The following ABR variants were observed in gnomAD, a reference collection of about 807,000 sequenced individuals.
ABR encodes active breakpoint cluster region-related protein.
Under a neutral mutation model 107.2 loss-of-function variants are expected in ABR, and 35 were observed. The ratio of observed to expected loss-of-function variants is 0.33; its 90% confidence interval spans 0.25 to 0.43. The LOEUF (loss-of-function observed/expected upper bound fraction) is 0.43. Among genes scored for constraint, ABR ranks in the 20% least tolerant of loss-of-function variants. The pLI, the probability that ABR is intolerant of heterozygous loss-of-function variation, is 1.00. For missense variants in ABR, 815 were observed against 1,115.2 expected (o/e 0.73, Z 3.83); for synonymous variants, 498 against 462.0 (o/e 1.08, Z -1.00).
chr17:1,011,176 C>A lies in ABR; in HGVS notation c.2102-313G>T. ...GCCTGCAGCTTCCTTCCGACTGGAA[C>A]CTCTCCATCGCTAAGCCCCTCTCTG... On this transcript the variant is annotated intron_variant, in intron 19 of 22. Transcript: ENST00000302538. The surrounding 1 kb of genome is among the most constrained non-coding windows in gnomAD (Gnocchi z 4.8). 1 of 372,884 alleles carries A rather than the reference C, an allele frequency of 2.7e-6. No homozygotes were observed. Among genetic ancestry groups the A allele is most frequent in the South Asian group, 2.9e-5 (1 of 34,832 alleles). 23.1% of individuals were successfully genotyped at this position (372,884 alleles called of 1,614,324 possible).
intron 16 of ABR, among the ~76,000 whole-genome samples, chr17:1,015,286 G>A (rs531866620): frequency 9.2e-5 from 14 of 151,678 alleles, no homozygotes; most frequent in East Asian, 4.0e-4. Flanking sequence ...GTGTGGTGGC[G>A]GGCACTGTAG....
upstream of ABR, among the ~76,000 whole-genome samples, chr17:1,182,108 C>T (rs2042153418): frequency 2.0e-5 from 3 of 152,112 alleles, no homozygotes; most frequent in Admixed American, 2.0e-4. Context: ...CTCCACAACA[C>T]GATAGAGGGT....
At chr17:1,169,202 G>A (rs534142037) in intron 1 of ABR, among the ~76,000 whole-genome samples, 1 of 152,356 alleles carries the variant, frequency 6.6e-6, no homozygotes, top group East Asian at 1.9e-4. Context: ...AGGGTGAGCA[G>A]AGGAGGGCAG....
chr17:1,082,527 A>T (rs533823162), intron 5 of ABR, among the ~76,000 whole-genome samples: 2 of 149,654 alleles, frequency 1.3e-5, no homozygotes, highest in African/African-American at 5.0e-5. Context: ...CCTGGCCAGG[A>T]AGGCTGGGCC....
intron 4 of ABR, among the ~76,000 whole-genome samples, chr17:1,085,648 T>C (rs1390070644): frequency 6.6e-6 from 1 of 151,890 alleles, no homozygotes; most frequent in Non-Finnish European, 1.5e-5. Flanking sequence ...ACCAAGCACC[T>C]GAGATACGGC....
intron 1 of ABR, among the ~76,000 whole-genome samples, chr17:1,136,454 C>G (rs1255276160): frequency 6.6e-6 from 1 of 151,576 alleles, no homozygotes; most frequent in African/African-American, 2.4e-5. Flanking sequence ...ATCTTGAACT[C>G]CTGACCTCAA....
At chr17:1,098,373 G>C in intron 3 of ABR, among the ~76,000 whole-genome samples, 1 of 152,232 alleles carries the variant, frequency 6.6e-6, no homozygotes, top group East Asian at 1.9e-4. Flanking sequence ...CACGGCGCCC[G>C]GCCAAAGCCA....
intron 4 of ABR, among the ~76,000 whole-genome samples, chr17:1,087,556 A>C (rs1597747912): frequency 9.7e-6 from 1 of 102,602 alleles, no homozygotes; most frequent in South Asian, 3.3e-4. Context: ...GCGGGGCCTG[A>C]GTTTTAAAGG....
intron 1 of ABR, among the ~76,000 whole-genome samples, chr17:1,221,849 G>T (rs1375020074): frequency 6.6e-6 from 1 of 152,216 alleles, no homozygotes; most frequent in Non-Finnish European, 1.5e-5. Context: ...GACCTGGAAA[G>T]GTTGTCTTCC....
chr17:1,037,954 G>A lies in ABR; in HGVS notation c.1791+12096C>T, dbSNP rs999714087. 1.3e-5 allele frequency among the ~76,000 whole-genome samples: 2 copies of A among 152,178 alleles called. No homozygotes were observed. The highest frequency in any genetic ancestry group is 2.9e-5 in the Non-Finnish European group (2 of 68,038). On this transcript the variant is annotated intron_variant, in intron 16 of 22. Coordinates refer to ENST00000302538, the MANE Select transcript of ABR (RefSeq NM_021962.5). This position sits in a 1 kb window ranked among gnomAD's most constrained non-coding sequence, Gnocchi z 4.6. ...GGAACAGACACATGGTCTCCGGTGAGATTTCTTTTCTGCTGAGGACGCACC... is the reference window on the plus strand; with the variant it reads ...GGAACAGACACATGGTCTCCGGTGAAATTTCTTTTCTGCTGAGGACGCACC...
chr17:1,203,473 C>A lies in ABR; in HGVS notation c.838+25320G>T, dbSNP rs1282511775. Among the ~76,000 whole-genome samples, 166 of 59,068 alleles carry A rather than the reference C, an allele frequency of 2.8e-3. 45 individuals carry two copies. The highest frequency in any genetic ancestry group is 0.012 in the African/African-American group (163 of 13,862). The allele number at this position is 59,068 out of a possible 152,430, so 38.8% of individuals were successfully genotyped here. The stretch of plus-strand genomic sequence containing the variant: ...GGGGCGGGGCCCGCGGGGACGGAGT[C>A]TGCGGGGGCGGGGCCCGCGGGGACG... On this transcript the variant is annotated intron_variant, in intron 1 of 22. Coordinates refer to the ABR transcript ENST00000574139.
At chr17:1,208,633 T>A (rs150341140) in intron 1 of ABR, among the ~76,000 whole-genome samples, 7,216 of 152,210 alleles carry the variant, frequency 0.047, 579 homozygotes, top group African/African-American at 0.16. Context: ...TCACGCCTCT[T>A]ATCCCAGCAC....
chr17:1,207,637 G>A (rs1235687833), intron 1 of ABR, among the ~76,000 whole-genome samples: 3 of 112,082 alleles, frequency 2.7e-5, no homozygotes, highest in Middle Eastern at 6.8e-3. Context: ...CAACATGAGC[G>A]AAACTCCGTC....
At chr17:1,152,976 C>G (rs2040860605) in intron 1 of ABR, among the ~76,000 whole-genome samples, 1 of 152,068 alleles carries the variant, frequency 6.6e-6, no homozygotes, top group Non-Finnish European at 1.5e-5. Flanking sequence ...CCTGTAGTCC[C>G]AGCTACTTGG....
At chr17:1,119,326 G>A (rs866932243) in intron 2 of ABR, among the ~76,000 whole-genome samples, 2 of 6,282 alleles carry the variant, frequency 3.2e-4, no homozygotes, top group African/African-American at 4.2e-4. Context: ...CCTCCCCAGC[G>A]TTATCCCTGA....
At chr17:1,079,417 G>T in intron 5 of ABR, 27 bp from the exon 6 acceptor site, 1 of 1,602,880 alleles carries the variant, frequency 6.2e-7, no homozygotes, top group Non-Finnish European at 8.5e-7. Context: ...AGGAGTCATG[G>T]CCTGTTCTGT....
intron 1 of ABR, among the ~76,000 whole-genome samples, chr17:1,145,848 A>T (rs2040505344): frequency 1.3e-5 from 2 of 152,194 alleles, no homozygotes; most frequent in Non-Finnish European, 2.9e-5. Flanking sequence ...CAAGGCGTCC[A>T]CTTGCACCCC....
At position 1,022,106 on chromosome 17, in the gene ABR, C is replaced by CAAAAAAAAAAAAA. The variant is rs759234729; in HGVS notation, c.1792-8955_1792-8943dup. Among the ~76,000 whole-genome samples, 55 of 39,188 alleles carry CAAAAAAAAAAAAA rather than the reference C, an allele frequency of 1.4e-3. 1 individual carries two copies. Among genetic ancestry groups the CAAAAAAAAAAAAA allele is most frequent in the Middle Eastern group, 0.017 (1 of 60 alleles). 25.7% of individuals were successfully genotyped at this position (39,188 alleles called of 152,430 possible). A position where few individuals can be genotyped will look rare whatever the true frequency, so the allele number is the denominator to read the frequency against. On this transcript the variant is annotated intron_variant, in intron 16 of 22. Transcript: ENST00000302538. Reference sequence around the variant, plus strand: ...TGGGCAACAGAGCAAGACTCTGTCTCAAAAAAAAAAAAAAAAAAACAGAAA... The same window carrying CAAAAAAAAAAAAA: ...TGGGCAACAGAGCAAGACTCTGTCTCAAAAAAAAAAAAAAAAAAAAAAAAAAAAAAAACAGAAA...
chr17:1,152,176 T>G (rs1189406269), intron 1 of ABR, among the ~76,000 whole-genome samples: 2 of 151,868 alleles, frequency 1.3e-5, no homozygotes, highest in Non-Finnish European at 2.9e-5. Flanking sequence ...TGTAGTCCCA[T>G]CTACTCGGGA....
Sources: gnomAD v4.1 joint callset for allele counts (sites outside exome capture counted in the v4.1 genomes callset) on GRCh38, gnomAD v4.1.1 for gene constraint, Gnocchi (gnomAD v3.1) non-coding constraint, MANE v1.5 for transcripts, NCBI Gene and HGNC (gene_info 2026-07-23, HGNC 2026-07-21) for gene names.